Variants in ZBTB5 observed in about 807,000 individuals in gnomAD.
The protein encoded by ZBTB5 is zinc finger and BTB domain-containing protein 5.
Under a neutral mutation model 37.9 loss-of-function variants are expected in ZBTB5, and 15 were observed. The ratio of observed to expected loss-of-function variants is 0.40; its 90% CI spans 0.26 to 0.61. The LOEUF is 0.61. ZBTB5 is among the 20% of genes least tolerant of loss of function. The pLI is 0.47. For synonymous variants in ZBTB5, 315 were observed against 312.4 expected (o/e 1.01, Z -0.09); for missense variants, 708 against 856.8 (o/e 0.83, Z 2.17).
In ZBTB5 at chr9:37,451,555, C is replaced by CAAA. The variant is rs67502719; in HGVS notation, c.-4-9003_-4-9001dup. Reference sequence around the variant, plus strand: ...CCTGGGTGACAGAGTGAGACTATCTCAAAAAAAAAAAAAAAAAAAAAAGAC... The same window carrying CAAA: ...CCTGGGTGACAGAGTGAGACTATCTCAAAAAAAAAAAAAAAAAAAAAAAAAGAC... On this transcript the variant is annotated intron_variant, in intron 1 of 1. Coordinates refer to ENST00000307750, the MANE Select transcript of ZBTB5 (RefSeq NM_014872.3). Among the ~76,000 whole-genome samples, 29 of 72,644 alleles carry CAAA rather than the reference C, an allele frequency of 4.0e-4. 1 individual carries two copies. Among genetic ancestry groups the CAAA allele is most frequent in the South Asian group, 5.3e-4 (1 of 1,874 alleles). 47.7% of individuals were successfully genotyped at this position (72,644 alleles called of 152,430 possible). A position where few individuals can be genotyped will look rare whatever the true frequency, so the allele number is the denominator to read the frequency against.
chr9:37,451,769 G>A (rs1182490773), intron 1 of ZBTB5, among the ~76,000 whole-genome samples: 1 of 152,138 alleles, frequency 6.6e-6, no homozygotes, highest in Non-Finnish European at 1.5e-5. Context: ...TGAGTTAGGA[G>A]TGCTGATTGG....
chr9:37,464,425 T>A (rs1465154978), intron 1 of ZBTB5, among the ~76,000 whole-genome samples: 3 of 152,214 alleles, frequency 2.0e-5, no homozygotes, highest in Admixed American at 6.5e-5. Context: ...AAATTTTTCC[T>A]CCAAATTATT....
At chr9:37,464,693 T>C (rs1444593468) in intron 1 of ZBTB5, among the ~76,000 whole-genome samples, 1 of 152,222 alleles carries the variant, frequency 6.6e-6, no homozygotes, top group East Asian at 1.9e-4. Flanking sequence ...TAAATGCCTA[T>C]TAAACACTTC....
intron 1 of ZBTB5, among the ~76,000 whole-genome samples, chr9:37,447,737 CT>C (rs1375311658): frequency 2.0e-5 from 3 of 151,730 alleles, no homozygotes; most frequent in Non-Finnish European, 4.4e-5. Flanking sequence ...AAAAGACTGA[CT>C]TCACAAATAA....
intron 1 of ZBTB5, 75 bp downstream of exon 1, chr9:37,465,140 G>A (rs1268655834): frequency 6.6e-6 from 1 of 152,328 alleles, no homozygotes; most frequent in Non-Finnish European, 1.5e-5. Flanking sequence ...CGACGCCTTG[G>A]CGCGCCCCTG....
chr9:37,464,564 T>C (rs1302339705), intron 1 of ZBTB5, among the ~76,000 whole-genome samples: 1 of 152,250 alleles, frequency 6.6e-6, no homozygotes, highest in Non-Finnish European at 1.5e-5. Context: ...CTTAATTCAC[T>C]GCCTTTTATT....
At chr9:37,443,100 A>G (rs1823916207) in intron 1 of ZBTB5, among the ~76,000 whole-genome samples, 1 of 152,172 alleles carries the variant, frequency 6.6e-6, no homozygotes, top group African/African-American at 2.4e-5. Flanking sequence ...CTGTAATCCC[A>G]GCACTTTGGG....
Position 37,441,326 on chromosome 9 carries a change from A to G in ZBTB5, c.1226T>C (p.Ile409Thr), listed in dbSNP as rs1278116824. 3 of 1,614,146 alleles carry G rather than the reference A, an allele frequency of 1.9e-6. No individual in the cohort carries two copies. Among genetic ancestry groups the G allele is most frequent in the Non-Finnish European group, 2.5e-6 (3 of 1,180,038 alleles). ...TCTGCTCTTGTTAAGAAAATTCGAA[A>G]TACTAAAAGTGGACTTATGCTCTAG... ...NNLEHKSTFS[I>T]SNFLNKSRGN... Residue 409 changes from isoleucine to threonine, a missense_variant, in exon 2 of 2, where the codon ATT (isoleucine) becomes ACT (threonine). Physicochemically the swap from Ile to Thr is moderately conservative, Grantham distance 89 (BLOSUM62 -1). This residue lies in a region of ZBTB5 where 639 missense variants were observed against 690.5 expected (regional missense o/e 0.93). Coordinates refer to ENST00000307750, the MANE Select transcript of ZBTB5 (RefSeq NM_014872.3).
At chr9:37,444,291 C>T (rs547914966) in intron 1 of ZBTB5, among the ~76,000 whole-genome samples, 1 of 152,000 alleles carries the variant, frequency 6.6e-6, no homozygotes, top group East Asian at 1.9e-4. Flanking sequence ...CTCCGCCTCC[C>T]GGGTTCAAGT....
chr9:37,463,811 A>G (rs1348453696), intron 1 of ZBTB5, among the ~76,000 whole-genome samples: 1 of 152,200 alleles, frequency 6.6e-6, no homozygotes. Context: ...ACTTTTAGGG[A>G]AAAGGGGCAA....
intron 1 of ZBTB5, among the ~76,000 whole-genome samples, chr9:37,462,933 C>T (rs897326668): frequency 6.6e-6 from 1 of 152,026 alleles, no homozygotes; most frequent in Non-Finnish European, 1.5e-5. Context: ...TAAGAAGCCC[C>T]GGAACCAGCC....
intron 1 of ZBTB5, among the ~76,000 whole-genome samples, chr9:37,445,491 T>C (rs923172190): frequency 3.3e-5 from 5 of 151,194 alleles, no homozygotes; most frequent in Non-Finnish European, 4.4e-5. Flanking sequence ...TTACTAAAAA[T>C]ACAAAAACAA....
rs767077911 is a variant in ZBTB5, at chr9:37,441,305, C to T, written c.1247G>A (p.Ser416Asn). Residue 416 changes from serine (S) to asparagine (N), a missense_variant, in exon 2 of 2, where the codon AGC becomes AAC. Transcript: ENST00000307750. The part of the protein sequence containing the change: ...TFSISNFLNK[S>N]RGNNFTANQN... ...ATTTGCAGTAAAGTTATTTCCTCTG[C>T]TCTTGTTAAGAAAATTCGAAATACT... The T allele has an allele frequency of 1.2e-6, 2 of 1,614,040 alleles. No homozygotes were observed. The highest frequency in any genetic ancestry group is 1.7e-6 in the Non-Finnish European group (2 of 1,180,050).
At chr9:37,447,102 G>T (rs975665940) in intron 1 of ZBTB5, among the ~76,000 whole-genome samples, 7 of 152,228 alleles carry the variant, frequency 4.6e-5, no homozygotes, top group Non-Finnish European at 7.3e-5. Context: ...ATTTATAAAG[G>T]AAAGAGGTTT....
chr9:37,443,983 TGAGG>T (rs1823930755), intron 1 of ZBTB5, among the ~76,000 whole-genome samples: 3 of 152,088 alleles, frequency 2.0e-5, no homozygotes, highest in Non-Finnish European at 4.4e-5. Context: ...CTTGGGAGGC[TGAGG>T]TGGGAGGATC....
intron 1 of ZBTB5, among the ~76,000 whole-genome samples, chr9:37,447,278 A>T (rs937137674): frequency 6.6e-6 from 1 of 152,210 alleles, no homozygotes; most frequent in Non-Finnish European, 1.5e-5. Flanking sequence ...AGAACTCACT[A>T]TCAGGAGAAC....
chr9:37,462,951 G>T (rs1403433242), intron 1 of ZBTB5, among the ~76,000 whole-genome samples: 1 of 152,000 alleles, frequency 6.6e-6, no homozygotes, highest in Non-Finnish European at 1.5e-5. Flanking sequence ...GCCACACTGG[G>T]AAAGAGACCA....
At chr9:37,460,683 T>C (rs114403793) in intron 1 of ZBTB5, among the ~76,000 whole-genome samples, 1,937 of 150,992 alleles carry the variant, frequency 0.013, 40 homozygotes, top group African/African-American at 0.045. Flanking sequence ...CTGGAAAACA[T>C]AGGGAGACCC....
chr9:37,444,801 G>A (rs980411292), intron 1 of ZBTB5, among the ~76,000 whole-genome samples: 4 of 152,158 alleles, frequency 2.6e-5, no homozygotes, highest in Non-Finnish European at 4.4e-5. Flanking sequence ...CTCAGGAGGC[G>A]ACTAAGATTG....
Sources: allele counts gnomAD v4.1 joint callset (sites outside exome capture counted in the v4.1 genomes callset), GRCh38; gene constraint gnomAD v4.1.1; regional missense constraint gnomAD v4.1.1; transcripts MANE v1.5; gene names NCBI Gene and HGNC (gene_info 2026-07-23, HGNC 2026-07-21).